Variants in NAV2 observed in about 807,000 individuals in gnomAD.
NAV2 encodes helicase, APC down-regulated 1.
In NAV2, 54 loss-of-function variants were observed where a neutral mutation model predicts 223.2. The observed-to-expected ratio is 0.24, with a 90% CI of 0.19 to 0.30. NAV2 has a LOEUF of 0.30. NAV2 is among the 10% of genes least tolerant of loss of function. The probability of loss-of-function intolerance (pLI) is 1.00; values close to 1 mark genes in which losing one functional copy is unlikely to be tolerated. For missense variants in NAV2, 2,806 were observed against 3,147.5 expected (o/e 0.89, Z 2.60); for synonymous variants, 1,279 against 1,239.3 (o/e 1.03, Z -0.67).
At chr11:19,859,168 T>C (rs1461782687) in intron 3 of NAV2, among the ~76,000 whole-genome samples, 2 of 138,804 alleles carry the variant, frequency 1.4e-5, no homozygotes. Context: ...TTATTGATCA[T>C]TCTTGGGTGT....
chr11:19,717,551 A>C lies in NAV2; in HGVS notation c.267+3589A>C, dbSNP rs1381250796. 2.6e-5 allele frequency among the ~76,000 whole-genome samples: 4 copies of C among 152,244 alleles called. No homozygotes were observed. In the South Asian group the frequency reaches 6.2e-4, roughly 24 times the overall value. On this transcript the variant is annotated intron_variant, in intron 1 of 37. Transcript: ENST00000349880. ...GCAAGGTCATGCAGTGGTACCGAGC[A>C]GTTGATGTTGCTTCATGCAACAAGT...
At chr11:19,733,799 G>A (rs2052030108) in intron 1 of NAV2, among the ~76,000 whole-genome samples, 1 of 152,166 alleles carries the variant, frequency 6.6e-6, no homozygotes, top group Non-Finnish European at 1.5e-5. Context: ...CCTACCTGGA[G>A]ACTGTTGGTA....
At chr11:19,640,379 A>G (rs952753340) in intron 1 of NAV2, among the ~76,000 whole-genome samples, 2 of 151,938 alleles carry the variant, frequency 1.3e-5, no homozygotes, top group Non-Finnish European at 2.9e-5. Context: ...TATTTTAAAT[A>G]TATGTATGCA....
intron 7 of NAV2, among the ~76,000 whole-genome samples, chr11:19,936,454 A>G (rs2045913668): frequency 6.6e-6 from 1 of 152,196 alleles, no homozygotes; most frequent in Non-Finnish European, 1.5e-5. Context: ...CAAATGTCTG[A>G]CAAAGAGGAG....
chr11:20,114,471 A>T, intron 36 of NAV2, 121 bp from the exon 37 acceptor site: 1 of 838,124 alleles, frequency 1.2e-6, no homozygotes, highest in South Asian at 1.6e-5. Flanking sequence ...ATAGAAGTGG[A>T]ATTACTCCAT....
intron 1 of NAV2, among the ~76,000 whole-genome samples, chr11:19,753,740 T>A (rs1044069391): frequency 2.6e-5 from 4 of 152,260 alleles, no homozygotes; most frequent in Admixed American, 6.5e-5. Context: ...CAGCCCCTGA[T>A]TATCTTCTGC....
intron 1 of NAV2, among the ~76,000 whole-genome samples, chr11:19,367,866 A>G (rs2729895): frequency 0.96 from 145,561 of 152,282 alleles, 69,895 homozygotes; most frequent in East Asian, 1. Context: ...TCATTATATT[A>G]TACCCCAGAG....
intron 11 of NAV2, among the ~76,000 whole-genome samples, chr11:20,025,786 C>A (rs78991531): frequency 2.0e-5 from 3 of 152,172 alleles, no homozygotes; most frequent in African/African-American, 7.2e-5. Flanking sequence ...TGCTTCTCCC[C>A]TAGGACACTA....
intron 10 of NAV2, among the ~76,000 whole-genome samples, chr11:19,958,917 C>T (rs1235656086): frequency 6.6e-6 from 1 of 152,180 alleles, no homozygotes; most frequent in African/African-American, 2.4e-5. Context: ...CGCAGCAGAG[C>T]CACAGGGCTG....
chr11:19,637,441 A>G (rs533961030), intron 1 of NAV2, among the ~76,000 whole-genome samples: 1 of 152,318 alleles, frequency 6.6e-6, no homozygotes, highest in African/African-American at 2.4e-5. Context: ...CATCTTGCCA[A>G]TGTTGACACA....
chr11:19,972,783 C>T (rs1435647333), intron 10 of NAV2, among the ~76,000 whole-genome samples: 1 of 152,174 alleles, frequency 6.6e-6, no homozygotes, highest in Non-Finnish European at 1.5e-5. Context: ...TGACACTAAG[C>T]CCCTCAAGCT....
intron 1 of NAV2, among the ~76,000 whole-genome samples, chr11:19,687,455 G>A (rs370415883): frequency 2.0e-5 from 3 of 152,206 alleles, no homozygotes; most frequent in Admixed American, 6.5e-5. Flanking sequence ...GAACACACCT[G>A]TGTAACCACC....
chr11:19,780,056 T>G (rs2056611091), intron 1 of NAV2, among the ~76,000 whole-genome samples: 1 of 152,250 alleles, frequency 6.6e-6, no homozygotes, highest in Non-Finnish European at 1.5e-5. Flanking sequence ...ATTAAAGGTC[T>G]TGCTTCATGT....
intron 1 of NAV2, among the ~76,000 whole-genome samples, chr11:19,475,971 G>A (rs776720768): frequency 6.6e-6 from 1 of 152,146 alleles, no homozygotes; most frequent in Non-Finnish European, 1.5e-5. Context: ...TTGCCCTTAA[G>A]AGCATGCCAT....
intron 1 of NAV2, among the ~76,000 whole-genome samples, chr11:19,772,718 C>T (rs1018037495): frequency 2.0e-5 from 3 of 152,194 alleles, no homozygotes; most frequent in Non-Finnish European, 4.4e-5. Context: ...CCCCATCAGC[C>T]TTGCCTCATG....
At chr11:19,957,012 A>G (rs1735770013) in intron 10 of NAV2, among the ~76,000 whole-genome samples, 1 of 152,214 alleles carries the variant, frequency 6.6e-6, no homozygotes, top group African/African-American at 2.4e-5. Context: ...CCTATCAAGA[A>G]ATTCCAAAGA....
At chr11:19,484,127 A>AACAC (rs58138697) in intron 1 of NAV2, among the ~76,000 whole-genome samples, 22,443 of 144,682 alleles carry the variant, frequency 0.16, 1,859 homozygotes, top group Middle Eastern at 0.21. Context: ...ACTGATCACA[A>AACAC]ACACACACAC....
At chr11:20,112,907 C>T (rs935071615) in intron 36 of NAV2, among the ~76,000 whole-genome samples, 1 of 152,206 alleles carries the variant, frequency 6.6e-6, no homozygotes, top group Non-Finnish European at 1.5e-5. Flanking sequence ...CAGCACCTTG[C>T]TCTCTGTACC....
rs751767070 is a variant in NAV2 at position 19,892,630 on chromosome 11, T to C, written c.931+36T>C. ...TTCTTGAGGAGCCTTTTTGGTATTT[T>C]CCTTCAGAGCACATCTACCTAGTTC... On this transcript the variant is annotated intron_variant, in intron 6 of 37. Coordinates refer to ENST00000349880, the MANE Select transcript of NAV2 (RefSeq NM_145117.5). 1.9e-6 allele frequency: 3 copies of C among 1,606,758 alleles called. No individual in the cohort carries two copies. The East Asian group carries it at 6.7e-5, about 36-fold the overall frequency.
Sources: gnomAD v4.1 joint callset for allele counts (sites outside exome capture counted in the v4.1 genomes callset) on GRCh38, gnomAD v4.1.1 for gene constraint, MANE v1.5 for transcripts, NCBI Gene and HGNC (gene_info 2026-07-23, HGNC 2026-07-21) for gene names.